Variants in TACR3 observed in about 807,000 individuals in gnomAD.
TACR3 encodes the protein tachykinin receptor 3.
Under a neutral mutation model 35.0 loss-of-function variants are expected in TACR3, and 34 were observed. That is an observed-to-expected ratio of 0.97 (90% CI 0.74 to 1.30). The LOEUF (loss-of-function observed/expected upper bound fraction) is 1.30. TACR3 is among the 50% of genes most tolerant of loss of function. The probability of loss-of-function intolerance (pLI) is 0.00; values close to 1 mark genes in which losing one functional copy is unlikely to be tolerated. For missense variants in TACR3, 558 were observed against 591.7 expected (o/e 0.94, Z 0.59); for synonymous variants, 233 against 221.1 (o/e 1.05, Z -0.48).
At chr4:103,676,351 T>TA in intron 1 of TACR3, among the ~76,000 whole-genome samples, 1 of 152,286 alleles carries the variant, frequency 6.6e-6, no homozygotes, top group East Asian at 1.9e-4. Flanking sequence ...ATCATAACGT[T>TA]AAAATTACAC....
intron 1 of TACR3, among the ~76,000 whole-genome samples, chr4:103,701,944 A>G (rs1479156628): frequency 6.6e-6 from 1 of 152,198 alleles, no homozygotes; most frequent in Non-Finnish European, 1.5e-5. Flanking sequence ...AACCATAAAA[A>G]TCCTAGAAGA....
At chr4:103,661,614 C>T (rs578111902) in intron 1 of TACR3, among the ~76,000 whole-genome samples, 5 of 152,186 alleles carry the variant, frequency 3.3e-5, no homozygotes, top group South Asian at 2.1e-4. Flanking sequence ...AATTGCAAAT[C>T]GCATTGATTC....
intron 3 of TACR3, among the ~76,000 whole-genome samples, chr4:103,619,569 G>T (rs2110302947): frequency 6.6e-6 from 1 of 152,266 alleles, no homozygotes; most frequent in Admixed American, 6.5e-5. Flanking sequence ...AATAGGAGTG[G>T]TGAGAGTCGG....
chr4:103,647,372 G>T (rs978163995), intron 3 of TACR3, among the ~76,000 whole-genome samples: 2 of 151,830 alleles, frequency 1.3e-5, no homozygotes, highest in African/African-American at 4.8e-5. Context: ...TCCTTTTCTA[G>T]ATACTAAATT....
chr4:103,599,448 C>G (rs916390723), intron 3 of TACR3, among the ~76,000 whole-genome samples: 4 of 152,098 alleles, frequency 2.6e-5, no homozygotes, highest in Non-Finnish European at 4.4e-5. Context: ...CCCTTTATTC[C>G]CTTCTCCTGT....
At chr4:103,602,475 T>C (rs1724232201) in intron 3 of TACR3, among the ~76,000 whole-genome samples, 1 of 130,708 alleles carries the variant, frequency 7.7e-6, no homozygotes, top group Non-Finnish European at 1.6e-5. Context: ...TTTTTAGAGT[T>C]TCCAGTTTTT....
In TACR3 at chr4:103,589,320, T is replaced by G. The variant is rs1016093507; in HGVS notation, c.*362A>C. The G allele has an allele frequency of 5.8e-5, 11 of 188,882 alleles. No homozygotes were observed. Among genetic ancestry groups the G allele is most frequent in the Non-Finnish European group, 9.0e-5 (8 of 88,554 alleles). 11.7% of individuals were successfully genotyped at this position (188,882 alleles called of 1,614,324 possible). On this transcript the variant is annotated 3_prime_UTR_variant, in exon 5 of 5. Coordinates refer to ENST00000304883, the MANE Select transcript of TACR3 (RefSeq NM_001059.3). ...CACTTACAATATTATGTTTTAAAGA[T>G]TCTTTAATCTCTTGGAAAAACTATA...
rs150288991 is a variant in TACR3 at position 103,589,989 on chromosome 4, C to T, written c.1091G>A (p.Arg364Gln). Residue 364 changes from arginine (R) to glutamine (Q), a missense_variant, in exon 5 of 5, where the codon CGA becomes CAA. Coordinates refer to ENST00000304883, the MANE Select transcript of TACR3 (RefSeq NM_001059.3). ...GCGAAATGCTCTCTTGAAGCCAGCTCGAAATCTGAGGAAAAGCAGGCCACA... is the reference window on the plus strand; with the variant it reads ...GCGAAATGCTCTCTTGAAGCCAGCTTGAAATCTGAGGAAAAGCAGGCCACA... ...IIYCCLNKRF[R>Q]AGFKRAFRWC... The T allele has an allele frequency of 1.1e-4, 178 of 1,612,412 alleles. 1 individual carries two copies. Among genetic ancestry groups the T allele is most frequent in the African/African-American group, 8.9e-4 (67 of 74,924 alleles).
At chr4:103,677,757 C>A (rs1422128270) in intron 1 of TACR3, among the ~76,000 whole-genome samples, 2 of 151,946 alleles carry the variant, frequency 1.3e-5, no homozygotes, top group African/African-American at 2.4e-5. Context: ...CTAATGGATG[C>A]TGGGCTTAAT....
chr4:103,632,609 A>G (rs1725092844), intron 3 of TACR3, among the ~76,000 whole-genome samples: 1 of 151,328 alleles, frequency 6.6e-6, no homozygotes, highest in Non-Finnish European at 1.5e-5. Context: ...TGGCACACGT[A>G]TACCTAGGTA....
At chr4:103,643,673 A>G (rs1458703684) in intron 3 of TACR3, among the ~76,000 whole-genome samples, 8 of 151,794 alleles carry the variant, frequency 5.3e-5, no homozygotes, top group Non-Finnish European at 1.2e-4. Context: ...GAGTACAACG[A>G]TATATGTCAA....
intron 3 of TACR3, among the ~76,000 whole-genome samples, chr4:103,647,860 C>T (rs1287045954): frequency 6.6e-6 from 1 of 151,812 alleles, no homozygotes; most frequent in Non-Finnish European, 1.5e-5. Context: ...TAATAAAAAT[C>T]GAGTGGGAGT....
At chr4:103,611,329 A>C (rs78260993) in intron 3 of TACR3, among the ~76,000 whole-genome samples, 2 of 152,016 alleles carry the variant, frequency 1.3e-5, no homozygotes, top group Non-Finnish European at 2.9e-5. Flanking sequence ...TATTGTAGAG[A>C]TCTTCCATCT....
intron 3 of TACR3, among the ~76,000 whole-genome samples, chr4:103,619,911 T>C (rs1724738916): frequency 6.6e-6 from 1 of 152,244 alleles, no homozygotes; most frequent in South Asian, 2.1e-4. Context: ...TGGGACCTAA[T>C]TAAAATAAAG....
intron 1 of TACR3, among the ~76,000 whole-genome samples, chr4:103,705,156 G>T (rs140040107): frequency 6.6e-6 from 1 of 151,914 alleles, no homozygotes; most frequent in Non-Finnish European, 1.5e-5. Flanking sequence ...TGACTCAAAG[G>T]ATGTATGAAT....
chr4:103,662,431 G>C (rs748826177), intron 1 of TACR3, among the ~76,000 whole-genome samples: 1 of 152,060 alleles, frequency 6.6e-6, no homozygotes. Context: ...TATTGGTTAG[G>C]CTGGTCTCGA....
rs987232328 is a variant in TACR3, at chr4:103,673,998, G to A, written c.549-15595C>T. Among the ~76,000 whole-genome samples, 5 of 152,198 alleles carry A rather than the reference G, an allele frequency of 3.3e-5. No individual in the cohort carries two copies. The East Asian group carries it at 9.6e-4, about 29-fold the overall frequency. On this transcript the variant is annotated intron_variant, in intron 1 of 4. Coordinates refer to ENST00000304883, the MANE Select transcript of TACR3 (RefSeq NM_001059.3). Reference sequence around the variant, plus strand: ...AGAGAATGAGGTTTTAGATGAAAAGGGAGTGGCAAACGGTGGCTTAAACGT... The same window carrying A: ...AGAGAATGAGGTTTTAGATGAAAAGAGAGTGGCAAACGGTGGCTTAAACGT...
intron 3 of TACR3, among the ~76,000 whole-genome samples, chr4:103,597,795 T>G (rs899974450): frequency 3.3e-5 from 5 of 152,230 alleles, no homozygotes; most frequent in Non-Finnish European, 5.9e-5. Context: ...TCATAATTTA[T>G]GGCTGCATAG....
intron 3 of TACR3, among the ~76,000 whole-genome samples, chr4:103,614,895 T>TG: frequency 8.2e-6 from 1 of 122,248 alleles, no homozygotes; most frequent in Non-Finnish European, 1.8e-5. Flanking sequence ...TTTTTTTTTT[T>TG]TTTTTTTTTT....
Sources: gnomAD v4.1 joint callset for allele counts (sites outside exome capture counted in the v4.1 genomes callset) on GRCh38, gnomAD v4.1.1 for gene constraint, MANE v1.5 for transcripts, NCBI Gene and HGNC (gene_info 2026-07-23, HGNC 2026-07-21) for gene names.